The following SARAF variants were observed in gnomAD, a reference collection of about 807,000 sequenced individuals.
SARAF encodes the protein store-operated calcium entry associated regulatory factor.
SARAF carries 23 observed loss-of-function variants against 39.7 expected under a neutral mutation model. The observed-to-expected ratio is 0.58, with a 90% confidence interval of 0.42 to 0.82. The LOEUF is 0.82. SARAF is among the 40% of genes least tolerant of loss of function. The pLI, the probability that SARAF is intolerant of heterozygous loss-of-function variation, is 0.00. For missense variants in SARAF, 384 were observed against 418.5 expected (o/e 0.92, Z 0.72); for synonymous variants, 175 against 168.5 (o/e 1.04, Z -0.30).
chr8:30,078,258 TGAAA>T, intron 1 of SARAF: 2 of 450,648 alleles, frequency 4.4e-6, no homozygotes, highest in Non-Finnish European at 8.9e-6. Context: ...CAAGGGCTTC[TGAAA>T]GAATGAACAA....
In SARAF at chr8:30,063,847, C is replaced by A; in HGVS notation, c.*41G>T. 2 of 1,598,578 alleles carry A rather than the reference C, an allele frequency of 1.3e-6. No individual in the cohort carries two copies. Among genetic ancestry groups the A allele is most frequent in the South Asian group, 2.2e-5 (2 of 90,578 alleles). ...TTCTAAAGAGAAAGTGATGAAAAAT[C>A]CAAAATTTCTGCATCCAGTGTTTGA... On this transcript the variant is annotated 3_prime_UTR_variant, in exon 6 of 6. Coordinates refer to ENST00000256255, the MANE Select transcript of SARAF (RefSeq NM_016127.6).
At position 30,073,377 on chromosome 8, in the gene SARAF, G is replaced by A. The variant is rs1257413384; in HGVS notation, c.282+500C>T. On this transcript the variant is annotated intron_variant, in intron 2 of 5. Coordinates refer to ENST00000256255, the MANE Select transcript of SARAF (RefSeq NM_016127.6). Reference sequence around the variant, plus strand: ...CTCTGCTCGTATACAAAACACCAGCGTCCCAAAGGCAATCAATGAAACCTG... The same window carrying A: ...CTCTGCTCGTATACAAAACACCAGCATCCCAAAGGCAATCAATGAAACCTG... 3.3e-5 allele frequency among the ~76,000 whole-genome samples: 5 copies of A among 152,318 alleles called. No individual in the cohort carries two copies. The South Asian group carries it at 6.2e-4, about 19-fold the overall frequency.
intron 2 of SARAF, among the ~76,000 whole-genome samples, chr8:30,072,406 G>A (rs1328734505): frequency 2.6e-5 from 4 of 152,124 alleles, no homozygotes; most frequent in African/African-American, 4.8e-5. Flanking sequence ...TCTTGATGAT[G>A]TCCTTTGATA....
At position 30,083,061 on chromosome 8, in the gene SARAF, A is replaced by G; in HGVS notation, c.-112T>C. On this transcript the variant is annotated 5_prime_UTR_variant, in exon 1 of 6. Coordinates refer to ENST00000256255, the MANE Select transcript of SARAF (RefSeq NM_016127.6). ...CCGCTACCCCTGGCGGCGGCGAAGG[A>G]ACGGCCCGACTGCAGAGCTGCAGCC... is the stretch of plus-strand genomic sequence containing the variant. 2.6e-6 allele frequency: 2 copies of G among 765,044 alleles called. No homozygotes were observed. The highest frequency in any genetic ancestry group is 4.0e-6 in the Non-Finnish European group (2 of 495,970). The allele number at this position is 765,044 out of a possible 1,614,324, so 47.4% of individuals were successfully genotyped here.
At chr8:30,076,517 A>C (rs927424295) in intron 1 of SARAF, among the ~76,000 whole-genome samples, 1 of 152,230 alleles carries the variant, frequency 6.6e-6, no homozygotes, top group African/African-American at 2.4e-5. Context: ...TTGGTTCCCC[A>C]GAATTAACCA....
intron 1 of SARAF, 50 bp downstream of exon 1, chr8:30,082,797 G>A: frequency 2.1e-6 from 3 of 1,401,468 alleles, no homozygotes; most frequent in East Asian, 2.8e-5. Flanking sequence ...ACCGGCTGAC[G>A]GCGGCGGAAA....
In SARAF at chr8:30,082,854, G is replaced by T; in HGVS notation, c.96C>A (p.Asn32Lys). Reference sequence around the variant, plus strand: ...GGCCCTGGCAGCACTCACCAGGGTCGTTCCAGCCCAGGGCAGGGCCCGCGG... The same window carrying T: ...GGCCCTGGCAGCACTCACCAGGGTCTTTCCAGCCCAGGGCAGGGCCCGCGG... The part of the protein sequence containing the change: ...LLTAGPALGW[N>K]DPDRMLLRDV... Residue 32 changes from asparagine (N) to lysine (K), a missense_variant, in exon 1 of 6, where the codon AAC (asparagine) becomes AAA (lysine). Physicochemically the swap from Asn to Lys is moderately conservative, Grantham distance 94 (BLOSUM62 0). Transcript: ENST00000256255. The T allele has an allele frequency of 6.5e-7, 1 of 1,548,238 alleles. No homozygotes were observed. The highest frequency in any genetic ancestry group is 8.7e-7 in the Non-Finnish European group (1 of 1,148,500).
intron 1 of SARAF, among the ~76,000 whole-genome samples, chr8:30,079,650 A>C (rs1192998859): frequency 6.6e-6 from 1 of 152,244 alleles, no homozygotes; most frequent in Non-Finnish European, 1.5e-5. Context: ...TGGCCAAGGC[A>C]TTTAATTTAC....
intron 3 of SARAF, among the ~76,000 whole-genome samples, chr8:30,067,773 G>A (rs1285471078): frequency 1.3e-5 from 2 of 151,956 alleles, no homozygotes; most frequent in African/African-American, 4.8e-5. Flanking sequence ...TAATGTTTAT[G>A]GATATTCCAC....
Position 30,063,614 on chromosome 8 carries a change from T to A in SARAF, c.*274A>T, listed in dbSNP as rs928926271. 2.1e-6 allele frequency: 1 copy of A among 479,376 alleles called. No homozygotes were observed. Among genetic ancestry groups the A allele is most frequent in the Admixed American group, 3.9e-5 (1 of 25,914 alleles). 29.7% of individuals were successfully genotyped at this position (479,376 alleles called of 1,614,324 possible). ...CTTAGGGCATCACAGGTTTTAGAAA[T>A]TAATGTATTTTTAGCATTCCACAGT... On this transcript the variant is annotated 3_prime_UTR_variant, in exon 6 of 6. Transcript: ENST00000256255.
chr8:30,064,553 A>ATTT (rs1213352789), intron 5 of SARAF, among the ~76,000 whole-genome samples: 38 of 47,662 alleles, frequency 8.0e-4, no homozygotes, highest in African/African-American at 2.2e-3. Context: ...ATATATATAT[A>ATTT]TATATATATT....
intron 2 of SARAF, 22 bp from the exon 3 acceptor site, chr8:30,070,081 GACTATT>G: frequency 6.6e-7 from 1 of 1,505,702 alleles, no homozygotes. Context: ...AATAGAAACA[GACTATT>G]AGAAACAAAC....
At chr8:30,068,671 A>G (rs562466578) in intron 3 of SARAF, among the ~76,000 whole-genome samples, 1 of 132,312 alleles carries the variant, frequency 7.6e-6, no homozygotes, top group South Asian at 2.4e-4. Context: ...TTCTCTTATT[A>G]TAAAATGGGC....
chr8:30,075,978 C>A (rs1255916154), intron 1 of SARAF, among the ~76,000 whole-genome samples: 1 of 74,728 alleles, frequency 1.3e-5, no homozygotes, highest in Non-Finnish European at 2.6e-5. Context: ...ATAACAGAAT[C>A]CCTAAAAAAA....
At chr8:30,064,534 C>CATACATATATATATATATATATATATAT (rs1801627334) in intron 5 of SARAF, among the ~76,000 whole-genome samples, 1 of 78,228 alleles carries the variant, frequency 1.3e-5, no homozygotes, top group African/African-American at 5.7e-5. Flanking sequence ...CTTACCTAGC[C>CATACATATATATATATATATATATATAT]ATATATATAT....
chr8:30,076,221 G>A (rs1801963357), intron 1 of SARAF, among the ~76,000 whole-genome samples: 1 of 152,072 alleles, frequency 6.6e-6, no homozygotes, highest in East Asian at 1.9e-4. Context: ...GCATAGTAAA[G>A]GGCATGGGGA....
chr8:30,073,850 G>A, intron 2 of SARAF, 27 bp downstream of exon 2: 1 of 1,591,472 alleles, frequency 6.3e-7, no homozygotes, highest in Non-Finnish European at 8.6e-7. Flanking sequence ...ACCCCATTTA[G>A]ACTGCCATTA....
At position 30,073,734 on chromosome 8, in the gene SARAF, G is replaced by A. The variant is rs535608449; in HGVS notation, c.282+143C>T. ...TCTTTTGGAGGCCATTTCTTCCACA[G>A]GAAGAGTGATTGATTTACTTACATA... On this transcript the variant is annotated intron_variant, in intron 2 of 5. Transcript: ENST00000256255. The A allele has an allele frequency of 1.4e-5, 9 of 623,870 alleles. No homozygotes were observed. The South Asian group carries it at 1.6e-4, about 11-fold the overall frequency. 38.6% of individuals were successfully genotyped at this position (623,870 alleles called of 1,614,324 possible). A position where few individuals can be genotyped will look rare whatever the true frequency, so the allele number is the denominator to read the frequency against.
At chr8:30,072,950 A>G (rs1184662049) in intron 2 of SARAF, among the ~76,000 whole-genome samples, 1 of 152,212 alleles carries the variant, frequency 6.6e-6, no homozygotes, top group Non-Finnish European at 1.5e-5. Flanking sequence ...CAATTAATAC[A>G]TGCTTAATGA....
Sources: gnomAD v4.1 joint callset for allele counts (sites outside exome capture counted in the v4.1 genomes callset) on GRCh38, gnomAD v4.1.1 for gene constraint, MANE v1.5 for transcripts, NCBI Gene and HGNC (gene_info 2026-07-23, HGNC 2026-07-21) for gene names.